Variants in GNB1 observed in about 807,000 individuals in gnomAD.
GNB1 encodes the protein G protein subunit beta 1.
In GNB1, 2 loss-of-function variants were observed where a neutral mutation model predicts 42.9. The ratio of observed to expected loss-of-function variants is 0.05; its 90% CI spans 0.02 to 0.15. The LOEUF (loss-of-function observed/expected upper bound fraction) is 0.15, where lower values mean the gene tolerates loss of function less well. Among genes scored for constraint, GNB1 ranks in the 10% least tolerant of loss-of-function variants. GNB1 has a pLI of 1.00. For synonymous variants in GNB1, 183 were observed against 174.7 expected (o/e 1.05, Z -0.38); for missense variants, 193 against 462.2 (o/e 0.42, Z 5.34).
chr1:1,853,415 C>T (rs1303201335), intron 1 of GNB1, among the ~76,000 whole-genome samples: 1 of 152,156 alleles, frequency 6.6e-6, no homozygotes, highest in Admixed American at 6.5e-5. Flanking sequence ...CACATGGGCA[C>T]GAACACCCCA....
chr1:1,825,636 G>A (rs1317696890), intron 2 of GNB1, 137 bp from the exon 3 acceptor site: 49 of 566,566 alleles, frequency 8.6e-5, no homozygotes, highest in East Asian at 2.9e-4. Flanking sequence ...AGGCCGAGGC[G>A]GGCAGATCAC....
intron 5 of GNB1, among the ~76,000 whole-genome samples, chr1:1,808,536 A>G (rs1008975741): frequency 6.6e-6 from 1 of 152,220 alleles, no homozygotes; most frequent in African/African-American, 2.4e-5. Context: ...AAGAGCAAGA[A>G]GGTTCCACTG....
At chr1:1,855,606 C>G (rs992035675) in intron 1 of GNB1, among the ~76,000 whole-genome samples, 1 of 149,882 alleles carries the variant, frequency 6.7e-6, no homozygotes, top group African/African-American at 2.5e-5. Context: ...GAGGCTGAGG[C>G]GGGAGAATGG....
At chr1:1,804,383 TTG>T (rs1646668340) in intron 7 of GNB1, 34 bp downstream of exon 7, 1 of 1,517,488 alleles carries the variant, frequency 6.6e-7, no homozygotes, top group East Asian at 2.3e-5. Flanking sequence ...GGTAAACAGC[TTG>T]TGTCACTTGA....
chr1:1,814,582 T>C (rs1044039514), intron 5 of GNB1, among the ~76,000 whole-genome samples: 5 of 151,648 alleles, frequency 3.3e-5, no homozygotes, highest in African/African-American at 1.2e-4. Flanking sequence ...AAGGATCACT[T>C]AGGGGCCAGG....
intron 1 of GNB1, among the ~76,000 whole-genome samples, chr1:1,849,203 T>G (rs1647847366): frequency 6.6e-6 from 1 of 152,192 alleles, no homozygotes; most frequent in Non-Finnish European, 1.5e-5. Flanking sequence ...CAGGAGAGAC[T>G]CCATGGGGAG....
At chr1:1,832,217 A>G (rs2101068535) in intron 2 of GNB1, 1 of 152,306 alleles carries the variant, frequency 6.6e-6, no homozygotes, top group East Asian at 1.9e-4. Context: ...TGTAAATTTT[A>G]AAAGTCTTAC....
intron 1 of GNB1, among the ~76,000 whole-genome samples, chr1:1,880,323 G>A (rs1056251938): frequency 4.6e-5 from 7 of 152,102 alleles, no homozygotes; most frequent in Non-Finnish European, 7.4e-5. Context: ...TATGAAGGCC[G>A]GACACGGCGG....
intron 1 of GNB1, among the ~76,000 whole-genome samples, chr1:1,844,092 G>C (rs1025581435): frequency 1.3e-5 from 2 of 152,088 alleles, no homozygotes; most frequent in Non-Finnish European, 2.9e-5. Flanking sequence ...CTACTTGGGA[G>C]GGTGAGGCAG....
intron 5 of GNB1, among the ~76,000 whole-genome samples, chr1:1,815,094 A>G (rs111401854): frequency 0.015 from 2,316 of 151,168 alleles, 61 homozygotes; most frequent in African/African-American, 0.053. Context: ...GCTGGGCAAC[A>G]CAGTGAGACT....
intron 5 of GNB1, among the ~76,000 whole-genome samples, chr1:1,808,001 G>A (rs908278404): frequency 4.6e-5 from 7 of 150,770 alleles, no homozygotes; most frequent in African/African-American, 1.2e-4. Flanking sequence ...GAGCCACCAC[G>A]CCCGGCCTCT....
At chr1:1,823,199 G>A (rs1213589268) in intron 3 of GNB1, among the ~76,000 whole-genome samples, 5 of 141,212 alleles carry the variant, frequency 3.5e-5, no homozygotes, top group Admixed American at 3.0e-4. Flanking sequence ...CTGAGATCGC[G>A]CCACTGCACT....
In GNB1 at chr1:1,806,295, C is replaced by T. The variant is rs1277567649; in HGVS notation, c.267+180G>A. Reference sequence around the variant, plus strand: ...CTGTGCCTGGTCCAGAGGAAGAGACCGTGACAGGTGGCACGTGACTCAGCT... The same window carrying T: ...CTGTGCCTGGTCCAGAGGAAGAGACTGTGACAGGTGGCACGTGACTCAGCT... On this transcript the variant is annotated intron_variant, in intron 6 of 11. Coordinates refer to ENST00000378609, the MANE Select transcript of GNB1 (RefSeq NM_002074.5). 8.5e-5 allele frequency among the ~76,000 whole-genome samples: 13 copies of T among 152,302 alleles called. No individual in the cohort carries two copies. In the East Asian group the frequency reaches 2.5e-3, roughly 29 times the overall value.
At chr1:1,862,107 A>G (rs902769911) in intron 1 of GNB1, among the ~76,000 whole-genome samples, 1 of 152,114 alleles carries the variant, frequency 6.6e-6, no homozygotes, top group African/African-American at 2.4e-5. Context: ...CTGTAATCCC[A>G]GCTACTTGGG....
intron 3 of GNB1, among the ~76,000 whole-genome samples, chr1:1,823,242 GAAA>G (rs745874003): frequency 2.7e-5 from 1 of 36,862 alleles, no homozygotes; most frequent in South Asian, 8.2e-4. Flanking sequence ...ACTGTCTCCA[GAAA>G]AAAAAAAAAA....
At chr1:1,814,004 C>T (rs1381880004) in intron 5 of GNB1, among the ~76,000 whole-genome samples, 4 of 152,174 alleles carry the variant, frequency 2.6e-5, no homozygotes, top group Admixed American at 1.3e-4. Flanking sequence ...AACTACTCTC[C>T]GTGCTGTGTG....
At chr1:1,806,695 C>T (rs1000337519) in intron 5 of GNB1, among the ~76,000 whole-genome samples, 157 bp from the exon 6 acceptor site, 11 of 152,158 alleles carry the variant, frequency 7.2e-5, no homozygotes, top group Non-Finnish European at 1.0e-4. Context: ...AATCTCTGGT[C>T]GGGCACAGTT....
intron 1 of GNB1, among the ~76,000 whole-genome samples, chr1:1,882,201 C>T (rs370430643): frequency 6.6e-6 from 1 of 152,100 alleles, no homozygotes; most frequent in Non-Finnish European, 1.5e-5. Context: ...GTAATCCTAA[C>T]ACTTTGGGAG....
chr1:1,853,495 A>G (rs1408898695), intron 1 of GNB1, among the ~76,000 whole-genome samples: 4 of 152,240 alleles, frequency 2.6e-5, no homozygotes, highest in East Asian at 1.9e-4. Context: ...AAACATGAAC[A>G]TATTTTTGCC....
Sources: allele counts gnomAD v4.1 joint callset (sites outside exome capture counted in the v4.1 genomes callset), GRCh38; gene constraint gnomAD v4.1.1; transcripts MANE v1.5; gene names NCBI Gene and HGNC (gene_info 2026-07-23, HGNC 2026-07-21).